CNTNAP2: variants seen among roughly 807,000 people sequenced by gnomAD.
CNTNAP2 encodes contactin associated protein 2, also known as contactin-associated protein-like 2.
CNTNAP2 carries 98 observed loss-of-function variants against 155.2 expected under a neutral mutation model. That is an observed-to-expected ratio of 0.63 (90% CI 0.54 to 0.75). CNTNAP2 has a LOEUF of 0.75. Among genes scored for constraint, CNTNAP2 ranks in the 30% least tolerant of loss-of-function variants. The pLI is 0.00. For synonymous variants in CNTNAP2, 651 were observed against 631.2 expected (o/e 1.03, Z -0.47); for missense variants, 1,727 against 1,688.1 (o/e 1.02, Z -0.40).
intron 15 of CNTNAP2, among the ~76,000 whole-genome samples, chr7:148,020,089 A>G (rs1161268434): frequency 6.6e-6 from 1 of 152,174 alleles, no homozygotes; most frequent in Non-Finnish European, 1.5e-5. Flanking sequence ...ACCTGGCCAG[A>G]GTATTATTTA....
intron 21 of CNTNAP2, among the ~76,000 whole-genome samples, chr7:148,316,264 A>G (rs1797687114): frequency 6.6e-6 from 1 of 152,164 alleles, no homozygotes; most frequent in Non-Finnish European, 1.5e-5. Context: ...GGTGCAGCAC[A>G]CCAACATAGC....
intron 3 of CNTNAP2, among the ~76,000 whole-genome samples, chr7:146,952,659 G>A (rs772319978): frequency 1.3e-5 from 2 of 152,046 alleles, no homozygotes; most frequent in African/African-American, 4.8e-5. Flanking sequence ...GCCAAATCAT[G>A]AGTGAACTCC....
intron 1 of CNTNAP2, among the ~76,000 whole-genome samples, chr7:146,736,126 T>C (rs1216810540): frequency 6.6e-6 from 1 of 152,200 alleles, no homozygotes. Context: ...ATGTATATTG[T>C]ATTAGTAATC....
rs539133276 is a variant in CNTNAP2 at position 148,244,595 on chromosome 7, C to T, written c.3381+14816C>T. Among the ~76,000 whole-genome samples, 297 of 149,304 alleles carry T rather than the reference C, an allele frequency of 2.0e-3. 1 individual carries two copies. Among genetic ancestry groups the T allele is most frequent in the African/African-American group, 7.0e-3 (286 of 40,584 alleles). ...TTTTTTTTTTCAATACAGGGTTTCACTCTGTCCCCCAGGCTGGAGTGTAGT... is the reference window on the plus strand; with the variant it reads ...TTTTTTTTTTCAATACAGGGTTTCATTCTGTCCCCCAGGCTGGAGTGTAGT... On this transcript the variant is annotated intron_variant, in intron 20 of 23. Coordinates refer to ENST00000361727, the MANE Select transcript of CNTNAP2 (RefSeq NM_014141.6).
At chr7:147,568,977 T>C (rs1032579711) in intron 12 of CNTNAP2, among the ~76,000 whole-genome samples, 2 of 152,178 alleles carry the variant, frequency 1.3e-5, no homozygotes, top group African/African-American at 4.8e-5. Flanking sequence ...TTTCTTAATT[T>C]AAGCAAGCAT....
intron 1 of CNTNAP2, among the ~76,000 whole-genome samples, chr7:146,590,089 CT>C (rs1357251865): frequency 6.6e-6 from 1 of 152,104 alleles, no homozygotes; most frequent in Non-Finnish European, 1.5e-5. Context: ...AGCTTTCCGG[CT>C]TCGTTGTCTT....
rs531091234 is a variant in CNTNAP2 at position 147,375,178 on chromosome 7, T to G, written c.1499-20431T>G. Among the ~76,000 whole-genome samples, 4 of 152,114 alleles carry G rather than the reference T, an allele frequency of 2.6e-5. No homozygotes were observed. The South Asian group carries it at 8.3e-4, about 32-fold the overall frequency. On this transcript the variant is annotated intron_variant, in intron 9 of 23. Transcript: ENST00000361727. ...GGAACTGTAAGTCAATTAAACCTCT[T>G]TCCTTTACAAATTACCCAGTCTCTG... is the stretch of plus-strand genomic sequence containing the variant.
chr7:146,928,973 C>T (rs1011183296), intron 3 of CNTNAP2, among the ~76,000 whole-genome samples: 1 of 152,244 alleles, frequency 6.6e-6, no homozygotes, highest in African/African-American at 2.4e-5. Context: ...CTCAAGGAGG[C>T]CTGCCTGCCT....
At chr7:148,024,463 T>C (rs1444438960) in intron 15 of CNTNAP2, among the ~76,000 whole-genome samples, 1 of 152,194 alleles carries the variant, frequency 6.6e-6, no homozygotes, top group Non-Finnish European at 1.5e-5. Context: ...CCTTGGGGGC[T>C]TCCCTCATTA....
intron 15 of CNTNAP2, among the ~76,000 whole-genome samples, chr7:148,086,608 C>G (rs937055234): frequency 2.6e-5 from 4 of 152,074 alleles, no homozygotes; most frequent in African/African-American, 7.2e-5. Flanking sequence ...GACCCTTGTC[C>G]GGACTCACAT....
At chr7:147,527,015 C>CTTTTCTT (rs1562981280) in intron 11 of CNTNAP2, among the ~76,000 whole-genome samples, 16 of 65,166 alleles carry the variant, frequency 2.5e-4, no homozygotes, top group African/African-American at 8.6e-4. Context: ...ACAGGCATTT[C>CTTTTCTT]TTTTTTTTTT....
chr7:148,090,298 A>G (rs1159955684), intron 15 of CNTNAP2, among the ~76,000 whole-genome samples: 1 of 152,104 alleles, frequency 6.6e-6, no homozygotes, highest in African/African-American at 2.4e-5. Flanking sequence ...CAAAGGAAAC[A>G]ATCCAACAGA....
intron 12 of CNTNAP2, among the ~76,000 whole-genome samples, chr7:147,564,008 G>A (rs1198400155): frequency 3.3e-5 from 5 of 152,056 alleles, no homozygotes; most frequent in Non-Finnish European, 4.4e-5. Context: ...AAGCTGACCA[G>A]CCTGGGCAAC....
At chr7:146,988,355 A>G (rs1316189327) in intron 3 of CNTNAP2, among the ~76,000 whole-genome samples, 2 of 152,080 alleles carry the variant, frequency 1.3e-5, no homozygotes, top group Non-Finnish European at 2.9e-5. Flanking sequence ...ATATATATAT[A>G]TGGATATGTT....
chr7:146,763,385 A>G (rs1802138921), intron 1 of CNTNAP2, among the ~76,000 whole-genome samples: 1 of 152,096 alleles, frequency 6.6e-6, no homozygotes, highest in Non-Finnish European at 1.5e-5. Context: ...TTATCCATTC[A>G]CCCATACTCC....
At chr7:147,390,601 G>A (rs561766501) in intron 9 of CNTNAP2, among the ~76,000 whole-genome samples, 2 of 152,140 alleles carry the variant, frequency 1.3e-5, no homozygotes, top group South Asian at 2.1e-4. Flanking sequence ...CCTCCTAGGT[G>A]CCTCTCCATC....
chr7:146,583,694 A>G lies in CNTNAP2; in HGVS notation c.98-190577A>G, dbSNP rs367739689. Among the ~76,000 whole-genome samples, 17 of 152,300 alleles carry G rather than the reference A, an allele frequency of 1.1e-4. 1 individual carries two copies. The East Asian group carries it at 1.2e-3, about 10-fold the overall frequency. On this transcript the variant is annotated intron_variant, in intron 1 of 23. Transcript: ENST00000361727. Reference sequence around the variant, plus strand: ...GGTCTTGTTACATTTTTATTTTTCCATTGTTAAGTGTAATGCAATTTATAT... The same window carrying G: ...GGTCTTGTTACATTTTTATTTTTCCGTTGTTAAGTGTAATGCAATTTATAT...
At chr7:146,793,246 G>C (rs1802706156) in intron 2 of CNTNAP2, among the ~76,000 whole-genome samples, 1 of 152,090 alleles carries the variant, frequency 6.6e-6, no homozygotes, top group Non-Finnish European at 1.5e-5. Context: ...TAGCCAAATT[G>C]CTCCCAAAAT....
intron 10 of CNTNAP2, among the ~76,000 whole-genome samples, chr7:147,467,864 T>TA (rs34962340): frequency 0.78 from 118,209 of 151,674 alleles, 46,430 homozygotes; most frequent in African/African-American, 0.87. Flanking sequence ...AATGTGTCTC[T>TA]AAAAAAAATT....
Sources: gnomAD v4.1 joint callset for allele counts (sites outside exome capture counted in the v4.1 genomes callset) on GRCh38, gnomAD v4.1.1 for gene constraint, MANE v1.5 for transcripts, NCBI Gene and HGNC (gene_info 2026-07-23, HGNC 2026-07-21) for gene names.